The following UHRF1 variants were observed in gnomAD, a reference collection of about 807,000 sequenced individuals.
UHRF1 encodes E3 ubiquitin-protein ligase UHRF1.
In UHRF1, 9 loss-of-function variants were observed where a neutral mutation model predicts 96.5. The observed-to-expected ratio is 0.09, with a 90% CI of 0.06 to 0.16. The LOEUF is 0.16. Ranked by LOEUF, UHRF1 falls within the 10% of genes least tolerant of loss-of-function variation. The pLI is 1.00. For missense variants in UHRF1, 626 were observed against 1,131.1 expected, an observed-to-expected ratio of 0.55 and a Z score of 6.40; for synonymous variants, 455 against 469.9, an observed-to-expected ratio of 0.97 and a Z score of 0.41.
rs1163043696 is a variant in UHRF1, at chr19:4,929,520, C to G, written c.408+44C>G. On this transcript the variant is annotated intron_variant, in intron 3 of 16. Coordinates refer to ENST00000650932, the MANE Select transcript of UHRF1 (RefSeq NM_001048201.3). Reference sequence around the variant, plus strand: ...GCTGCTCTGGGGTTGGACGTTCTCCCTGCCATTCTGGTCTTTGCATACCCA... The same window carrying G: ...GCTGCTCTGGGGTTGGACGTTCTCCGTGCCATTCTGGTCTTTGCATACCCA... The G allele has an allele frequency of 5.7e-6, 9 of 1,581,550 alleles. No homozygotes were observed. In the East Asian group the frequency reaches 2.0e-4, roughly 35 times the overall value.
chr19:4,936,338 G>A (rs1181352561), intron 5 of UHRF1, among the ~76,000 whole-genome samples: 1 of 152,206 alleles, frequency 6.6e-6, no homozygotes, highest in Non-Finnish European at 1.5e-5. Context: ...TGCAGTCCCT[G>A]TCTTAGGAGG....
intron 5 of UHRF1, among the ~76,000 whole-genome samples, chr19:4,939,989 A>G (rs966633296): frequency 5.4e-5 from 8 of 147,836 alleles, no homozygotes; most frequent in African/African-American, 2.0e-4. Flanking sequence ...GTGCCACTGC[A>G]CTCCAGCCTG....
chr19:4,940,662 A>C (rs779017376), intron 5 of UHRF1, among the ~76,000 whole-genome samples: 80 of 148,980 alleles, frequency 5.4e-4, no homozygotes, highest in Admixed American at 1.7e-3. Context: ...CACGGTGCCC[A>C]ACTTGATTTA....
At chr19:4,933,424 C>G (rs1346564577) in intron 5 of UHRF1, among the ~76,000 whole-genome samples, 1 of 152,124 alleles carries the variant, frequency 6.6e-6, no homozygotes, top group Non-Finnish European at 1.5e-5. Flanking sequence ...CACCGTTAAC[C>G]AGGATGGTCT....
Position 4,932,889 on chromosome 19 carries a change from G to A in UHRF1, c.718G>A (p.Asp240Asn), listed in dbSNP as rs17886098. ...CCCCAAGGAGCGGGGCTTCTGGTAC[G>A]ACGCGGAGATCTCCAGGAAGCGCGA... ...DNPKERGFWYDAEISRKRETR... is the reference protein window; with the variant it reads ...DNPKERGFWYNAEISRKRETR... Residue 240 changes from aspartate to asparagine, a missense_variant, in exon 5 of 17, where the codon GAC becomes AAC. Asp to Asn is a conservative substitution (Grantham distance 23). Around this residue, in one of 11 missense-constraint regions of UHRF1, gnomAD observed 198 missense variants for 235.1 expected, o/e 0.84. Coordinates refer to ENST00000650932, the MANE Select transcript of UHRF1 (RefSeq NM_001048201.3). 1.9e-6 allele frequency: 3 copies of A among 1,613,730 alleles called. No individual in the cohort carries two copies. Among genetic ancestry groups the A allele is most frequent in the East Asian group, 2.2e-5 (1 of 44,894 alleles).
chr19:4,904,772 G>A (rs997636472), upstream of UHRF1, among the ~76,000 whole-genome samples: 23 of 152,216 alleles, frequency 1.5e-4, no homozygotes, highest in Admixed American at 3.9e-4. Context: ...ATCAATAAAA[G>A]TTTGTTGAAT....
rs530929601 is a variant in UHRF1 at position 4,922,879 on chromosome 19, G to C, written c.154-6343G>C. Reference sequence around the variant, plus strand: ...TTCCTGTCCCTCCTACGTAGCCCACGCTAAGCAGGGTGCTTCTATCCACCT... The same window carrying C: ...TTCCTGTCCCTCCTACGTAGCCCACCCTAAGCAGGGTGCTTCTATCCACCT... On this transcript the variant is annotated intron_variant, in intron 2 of 16. Transcript: ENST00000650932. 2.0e-5 allele frequency among the ~76,000 whole-genome samples: 3 copies of C among 152,278 alleles called. No individual in the cohort carries two copies. In the South Asian group the frequency reaches 6.2e-4, roughly 32 times the overall value.
In UHRF1 at chr19:4,941,520, C is replaced by T; in HGVS notation, c.786-8C>T. The T allele has an allele frequency of 1.2e-6, 2 of 1,610,638 alleles. No homozygotes were observed. Among genetic ancestry groups the T allele is most frequent in the Non-Finnish European group, 8.5e-7 (1 of 1,177,992 alleles). ...GCCAGAATGTTCCAGCGTCCTCGTT[C>T]CTTGCAGGGATGATTCTCTGAACGA... is the stretch of plus-strand genomic sequence containing the variant. On this transcript the variant is annotated splice_polypyrimidine_tract_variant and splice_region_variant and intron_variant, in intron 5 of 16. Transcript: ENST00000650932.
At position 4,939,604 on chromosome 19, in the gene UHRF1, G is replaced by T. The variant is rs186496268; in HGVS notation, c.786-1924G>T. Among the ~76,000 whole-genome samples, 21 of 152,224 alleles carry T rather than the reference G, an allele frequency of 1.4e-4. No individual in the cohort carries two copies. The East Asian group carries it at 4.1e-3, about 29-fold the overall frequency. The stretch of plus-strand genomic sequence containing the variant: ...TAGAGATGACCAGGAGATGTCACTT[G>T]CTGTGTGCGTCTGTGCTACCTGTGA... On this transcript the variant is annotated intron_variant, in intron 5 of 16. Transcript: ENST00000650932.
intron 2 of UHRF1, among the ~76,000 whole-genome samples, chr19:4,925,182 G>A (rs2032828998): frequency 6.6e-6 from 1 of 152,136 alleles, no homozygotes; most frequent in South Asian, 2.1e-4. Flanking sequence ...CCCAGTTAAA[G>A]TACACAGTTG....
chr19:4,924,377 C>T (rs2032800832), intron 2 of UHRF1, among the ~76,000 whole-genome samples: 2 of 152,146 alleles, frequency 1.3e-5, no homozygotes, highest in Admixed American at 1.3e-4. Flanking sequence ...TCTTGATCTC[C>T]TGACTTCATG....
chr19:4,929,112 G>GCCC lies in UHRF1; in HGVS notation c.154-102_154-100dup, dbSNP rs5826865. The GCCC allele has an allele frequency of 7.1e-4, 919 of 1,298,012 alleles. No individual in the cohort carries two copies. In the African/African-American group the frequency reaches 7.3e-3, roughly 10 times the overall value. The allele number at this position is 1,298,012 out of a possible 1,614,324, so 80.4% of individuals were successfully genotyped here. A position where few individuals can be genotyped will look rare whatever the true frequency, so the allele number is the denominator to read the frequency against. ...ATGGCTCTTTACTCTGATGCAGATTGCCCCCCCCCCACAAGGGCTGGGACA... is the reference window on the plus strand; with the variant it reads ...ATGGCTCTTTACTCTGATGCAGATTGCCCCCCCCCCCCCACAAGGGCTGGGACA... On this transcript the variant is annotated intron_variant, in intron 2 of 16. Coordinates refer to ENST00000650932, the MANE Select transcript of UHRF1 (RefSeq NM_001048201.3).
intron 16 of UHRF1, 22 bp from the exon 17 acceptor site, chr19:4,960,633 TCA>T (rs1280070656): frequency 3.1e-6 from 5 of 1,610,196 alleles, no homozygotes; most frequent in Non-Finnish European, 4.2e-6. Flanking sequence ...ATGGCACTTC[TCA>T]CGCGCCTGCT....
chr19:4,936,220 C>T (rs1324745426), intron 5 of UHRF1, among the ~76,000 whole-genome samples: 1 of 152,124 alleles, frequency 6.6e-6, no homozygotes, highest in Non-Finnish European at 1.5e-5. Flanking sequence ...CACGCTGAGC[C>T]GAGTTGTGCC....
intron 5 of UHRF1, among the ~76,000 whole-genome samples, chr19:4,936,468 CAGAT>C (rs1478092542): frequency 6.6e-6 from 1 of 152,046 alleles, no homozygotes; most frequent in African/African-American, 2.4e-5. Context: ...TTGGGAGGCT[CAGAT>C]AGGTGGCTGA....
intron 1 of UHRF1, chr19:4,903,695 G>A (rs932448616): frequency 1.3e-5 from 2 of 151,970 alleles, no homozygotes; most frequent in African/African-American, 2.4e-5. Context: ...TAGAGACGGG[G>A]TTTCACCATG....
intron 2 of UHRF1, among the ~76,000 whole-genome samples, chr19:4,927,980 A>T (rs943247803): frequency 2.6e-5 from 4 of 152,138 alleles, no homozygotes; most frequent in Non-Finnish European, 5.9e-5. Flanking sequence ...CTTCCCACTC[A>T]GTGTGTGGAT....
At chr19:4,931,193 T>C (rs551406112) in intron 4 of UHRF1, among the ~76,000 whole-genome samples, 10 of 152,254 alleles carry the variant, frequency 6.6e-5, no homozygotes, top group Non-Finnish European at 1.2e-4. Flanking sequence ...CTAACGTCAG[T>C]CTCCAGTCTT....
chr19:4,956,894 A>G, intron 16 of UHRF1, 81 bp downstream of exon 16: 1 of 987,544 alleles, frequency 1.0e-6, no homozygotes, highest in Non-Finnish European at 1.6e-6. Flanking sequence ...GCCTGCCACT[A>G]CAGACAGAGG....
Sources: gnomAD v4.1 joint callset for allele counts (sites outside exome capture counted in the v4.1 genomes callset) on GRCh38, gnomAD v4.1.1 for gene constraint, gnomAD v4.1.1 regional missense constraint, MANE v1.5 for transcripts, NCBI Gene and HGNC (gene_info 2026-07-23, HGNC 2026-07-21) for gene names.